Variants in MOBP observed in about 807,000 individuals in gnomAD.
MOBP encodes the protein myelin associated oligodendrocyte basic protein.
A neutral mutation model predicts 15.0 loss-of-function variants in MOBP; 5 were observed. The ratio of observed to expected loss-of-function variants is 0.33; its 90% CI spans 0.17 to 0.70. The LOEUF (loss-of-function observed/expected upper bound fraction) is 0.70. Ranked by LOEUF, MOBP falls within the 30% of genes least tolerant of loss-of-function variation. MOBP has a pLI of 0.67. For missense variants in MOBP, 188 were observed against 257.8 expected, an observed-to-expected ratio of 0.73 and a Z score of 1.85; for synonymous variants, 88 against 99.0, an observed-to-expected ratio of 0.89 and a Z score of 0.66.
chr3:39,509,760 A>G (rs1159332523), intron 4 of MOBP, among the ~76,000 whole-genome samples: 3 of 152,138 alleles, frequency 2.0e-5, no homozygotes, highest in East Asian at 1.9e-4. Flanking sequence ...ATAAAAAATT[A>G]TTATTTTTTA....
At chr3:39,471,756 C>T (rs572419778) in intron 1 of MOBP, among the ~76,000 whole-genome samples, 18 of 152,292 alleles carry the variant, frequency 1.2e-4, no homozygotes, top group African/African-American at 4.1e-4. Flanking sequence ...CTACAATGGC[C>T]CAGTGGCCAC....
intron 1 of MOBP, among the ~76,000 whole-genome samples, chr3:39,479,070 C>T (rs917317464): frequency 2.6e-5 from 4 of 152,114 alleles, no homozygotes; most frequent in African/African-American, 9.7e-5. Context: ...CCTTGTGATC[C>T]ACCCGCCTCG....
chr3:39,524,047 A>G (rs778241509), intron 3 of MOBP, among the ~76,000 whole-genome samples: 1 of 152,210 alleles, frequency 6.6e-6, no homozygotes, highest in Non-Finnish European at 1.5e-5. Flanking sequence ...TTCTGAGGGA[A>G]TATCATAAAG....
At chr3:39,511,588 A>G (rs1283068918) in intron 4 of MOBP, among the ~76,000 whole-genome samples, 1 of 152,180 alleles carries the variant, frequency 6.6e-6, no homozygotes, top group Non-Finnish European at 1.5e-5. Context: ...GAGCCTTCAC[A>G]CTTCTTGCTG....
intron 2 of MOBP, among the ~76,000 whole-genome samples, chr3:39,494,782 GCCCC>G (rs142834446): frequency 2.0e-4 from 17 of 85,946 alleles, no homozygotes; most frequent in Middle Eastern, 5.3e-3. Flanking sequence ...TATTTTCAAA[GCCCC>G]CCCCCGCCCC....
Position 39,508,246 on chromosome 3 carries a change from T to C in MOBP, c.*-5137T>C, listed in dbSNP as rs80264865. 7.6e-3 allele frequency among the ~76,000 whole-genome samples: 1,153 copies of C among 152,374 alleles called. 7 individuals are homozygous for C. The highest frequency in any genetic ancestry group is 0.036 in the East Asian group (185 of 5,188). ...TATATGCTCACACACATACTTCATA[T>C]GTATCAGGCTTACTGAAGTATAATT... On this transcript the variant is annotated intron_variant, in intron 4 of 4. Transcript: ENST00000311042.
downstream of MOBP, among the ~76,000 whole-genome samples, chr3:39,503,969 C>G (rs2043014566): frequency 6.6e-6 from 1 of 152,014 alleles, no homozygotes; most frequent in South Asian, 2.1e-4. Context: ...GCATTCACCC[C>G]GCAAAGGTAC....
chr3:39,493,345 T>C (rs1214225131), intron 2 of MOBP, among the ~76,000 whole-genome samples: 1 of 152,186 alleles, frequency 6.6e-6, no homozygotes, highest in Non-Finnish European at 1.5e-5. Context: ...AGCAAATTAA[T>C]TTGTATGAAT....
At chr3:39,520,412 T>C (rs1228789326), downstream of MOBP, among the ~76,000 whole-genome samples, 4 of 152,210 alleles carry the variant, frequency 2.6e-5, no homozygotes, top group Admixed American at 2.6e-4. Flanking sequence ...GCTTCTCTTG[T>C]GACACTTTTC....
chr3:39,528,919 T>C (rs1420598731), downstream of MOBP: 1 of 152,286 alleles, frequency 6.6e-6, no homozygotes, highest in Non-Finnish European at 1.5e-5. Flanking sequence ...CAAGTTATGT[T>C]GTGTTGTTTA....
chr3:39,471,432 G>GA (rs1384844767), intron 1 of MOBP, among the ~76,000 whole-genome samples: 1 of 152,120 alleles, frequency 6.6e-6, no homozygotes, highest in African/African-American at 2.4e-5. Flanking sequence ...CCCAGCAAAA[G>GA]AAAAGTCTTA....
intron 2 of MOBP, among the ~76,000 whole-genome samples, chr3:39,500,305 T>G (rs2042951000): frequency 6.6e-6 from 1 of 152,264 alleles, no homozygotes; most frequent in African/African-American, 2.4e-5. Context: ...AAAACCAAAG[T>G]GTATAGTAAA....
At chr3:39,528,607 C>A (rs2043359118), downstream of MOBP, 1 of 152,186 alleles carries the variant, frequency 6.6e-6, no homozygotes, top group Non-Finnish European at 1.5e-5. Context: ...AGTTTATAAT[C>A]AACAGTTTGA....
At chr3:39,522,655 A>T (rs2043284092) in intron 3 of MOBP, among the ~76,000 whole-genome samples, 1 of 152,246 alleles carries the variant, frequency 6.6e-6, no homozygotes, top group South Asian at 2.1e-4. Flanking sequence ...TTTAAAAAAG[A>T]TAATTATAAT....
chr3:39,491,933 A>G (rs1449579601), intron 2 of MOBP, among the ~76,000 whole-genome samples: 3 of 152,180 alleles, frequency 2.0e-5, no homozygotes, highest in African/African-American at 7.2e-5. Context: ...TATGAGGGGC[A>G]GTGACACACT....
At chr3:39,526,122 A>T (rs1360630452), downstream of MOBP, 1 of 152,218 alleles carries the variant, frequency 6.6e-6, no homozygotes, top group Non-Finnish European at 1.5e-5. Context: ...ACCAAATAAG[A>T]AATTTAATAT....
rs140102102 is a variant in MOBP, at chr3:39,488,445, C to A, written c.-5+8322C>A. On this transcript the variant is annotated intron_variant, in intron 2 of 3. Coordinates refer to ENST00000684792, the MANE Select transcript of MOBP (RefSeq NM_001393704.1). ...CTTGGAGACATCCTGGATGTCTGTG[C>A]TTCCTTGCTGACATTCAGTCTGTCT... is the stretch of plus-strand genomic sequence containing the variant. 1.4e-4 allele frequency among the ~76,000 whole-genome samples: 22 copies of A among 152,268 alleles called. No individual in the cohort carries two copies. In the East Asian group the frequency reaches 4.2e-3, roughly 29 times the overall value.
chr3:39,521,105 C>T (rs186810367), intron 3 of MOBP, among the ~76,000 whole-genome samples: 1 of 152,042 alleles, frequency 6.6e-6, no homozygotes, highest in African/African-American at 2.4e-5. Context: ...TGTGCCACCA[C>T]ACCCAGCGAA....
At chr3:39,487,518 C>CT (rs1216386382) in intron 2 of MOBP, among the ~76,000 whole-genome samples, 1,477 of 102,386 alleles carry the variant, frequency 0.014, 29 homozygotes, top group Non-Finnish European at 0.021. Context: ...AATTTTCTTT[C>CT]TTTTTTTTTT....
Sources: allele counts gnomAD v4.1 joint callset (sites outside exome capture counted in the v4.1 genomes callset), GRCh38; gene constraint gnomAD v4.1.1; transcripts MANE v1.5; gene names NCBI Gene and HGNC (gene_info 2026-07-23, HGNC 2026-07-21).